Variants in MAB21L4 observed in about 807,000 individuals in gnomAD.
MAB21L4 encodes the protein mab-21 like 4, also known as protein mab-21-like 4.
A neutral mutation model predicts 32.4 loss-of-function variants in MAB21L4; 25 were observed. That is an observed-to-expected ratio of 0.77 (90% CI 0.56 to 1.08). The LOEUF is 1.08. Among genes scored for constraint, MAB21L4 ranks in the 50% least tolerant of loss-of-function variants. The pLI, the probability that MAB21L4 is intolerant of heterozygous loss-of-function variation, is 0.00. For synonymous variants in MAB21L4, 280 were observed against 276.8 expected (o/e 1.01, Z -0.11); for missense variants, 638 against 611.0 (o/e 1.04, Z -0.47).
chr2:240,889,942 G>T (rs906386947), intron 3 of MAB21L4, 63 bp downstream of exon 3: 1 of 1,537,514 alleles, frequency 6.5e-7, no homozygotes. Context: ...GGAGGGACAC[G>T]CCTGGGTGCA....
At chr2:240,894,744 GCCAAGA>G (rs1377326187) in intron 1 of MAB21L4, among the ~76,000 whole-genome samples, 1 of 152,188 alleles carries the variant, frequency 6.6e-6, no homozygotes, top group African/African-American at 2.4e-5. Flanking sequence ...GGCGGAGTGA[GCCAAGA>G]TCGTGCCATT....
At position 240,888,374 on chromosome 2, in the gene MAB21L4, G is replaced by T; in HGVS notation, c.1169C>A (p.Ser390Tyr). 6.4e-7 allele frequency: 1 copy of T among 1,569,106 alleles called. No homozygotes were observed. The highest frequency in any genetic ancestry group is 8.6e-7 in the Non-Finnish European group (1 of 1,160,280). The stretch of plus-strand genomic sequence containing the variant: ...CAGCTGCAGGAGCGCCTTGAGCCCG[G>T]AGCCGATGCGCGGCGGGGGGCTGCG... The part of the protein sequence containing the change: ...LGRSPPPRIG[S>Y]GLKALLQLPA... Residue 390 changes from serine to tyrosine, a missense_variant, in exon 4 of 5, where the codon TCC becomes TAC. By Grantham distance (144) the Ser-to-Tyr change is moderately radical (BLOSUM62 -2). Coordinates refer to ENST00000388934, the MANE Select transcript of MAB21L4 (RefSeq NM_001085437.3).
chr2:240,894,448 C>T (rs562087303), intron 1 of MAB21L4, among the ~76,000 whole-genome samples: 1 of 152,192 alleles, frequency 6.6e-6, no homozygotes, highest in African/African-American at 2.4e-5. Context: ...CGACCGTCGC[C>T]GTCCAGGCAG....
chr2:240,891,891 GC>G, intron 1 of MAB21L4, 128 bp from the exon 2 acceptor site: 6 of 1,575,016 alleles, frequency 3.8e-6, no homozygotes, highest in Non-Finnish European at 5.2e-6. Flanking sequence ...CTCTCTGCTG[GC>G]CCCCACCTGC....
At chr2:240,895,351 G>A (rs1049652475) in intron 1 of MAB21L4, 133 bp downstream of exon 1, 12 of 839,624 alleles carry the variant, frequency 1.4e-5, no homozygotes, top group Non-Finnish European at 2.2e-5. Context: ...GTCACACACA[G>A]AAGACAGTCG....
At chr2:240,890,984 G>T (rs544802349) in intron 2 of MAB21L4, among the ~76,000 whole-genome samples, 2 of 152,310 alleles carry the variant, frequency 1.3e-5, no homozygotes, top group African/African-American at 4.8e-5. Context: ...TGACGAGCGT[G>T]GATTCAACCA....
At chr2:240,889,782 G>A (rs1324614210) in intron 3 of MAB21L4, among the ~76,000 whole-genome samples, 1 of 152,228 alleles carries the variant, frequency 6.6e-6, no homozygotes, top group Admixed American at 6.5e-5. Context: ...GGATGGCGAA[G>A]GCCAGCCTGC....
At chr2:240,890,891 G>GC (rs1377416504) in intron 2 of MAB21L4, among the ~76,000 whole-genome samples, 1 of 152,228 alleles carries the variant, frequency 6.6e-6, no homozygotes, top group East Asian at 1.9e-4. Flanking sequence ...GCAATGCAGG[G>GC]CAGGTGACTG....
At chr2:240,895,414 GCA>G (rs1273986477) in intron 1 of MAB21L4, 68 bp downstream of exon 1, 3 of 1,402,526 alleles carry the variant, frequency 2.1e-6, no homozygotes, top group African/African-American at 2.9e-5. Flanking sequence ...TCACACACTT[GCA>G]CACAGACACC....
At chr2:240,893,362 A>T (rs530271088) in intron 1 of MAB21L4, among the ~76,000 whole-genome samples, 2 of 152,304 alleles carry the variant, frequency 1.3e-5, no homozygotes, top group African/African-American at 4.8e-5. Context: ...TGGGCGGCCC[A>T]TCCCACAGGG....
chr2:240,890,199 G>C, intron 2 of MAB21L4, 41 bp from the exon 3 acceptor site: 3 of 1,566,918 alleles, frequency 1.9e-6, no homozygotes, highest in Non-Finnish European at 2.6e-6. Context: ...CCCCGCCGCT[G>C]TTGGCCCCCA....
chr2:240,888,341 C>T lies in MAB21L4; in HGVS notation c.1202G>A (p.Ser401Asn), dbSNP rs763938659. 6.3e-7 allele frequency: 1 copy of T among 1,584,250 alleles called. No homozygotes were observed. The highest frequency in any genetic ancestry group is 8.6e-7 in the Non-Finnish European group (1 of 1,168,406). ...GLKALLQLPA[S>N]DPTYWATAYF... ...GGCAGTGGCCCAGTAAGTGGGGTCACTGGCTGGCAGCTGCAGGAGCGCCTT... is the reference window on the plus strand; with the variant it reads ...GGCAGTGGCCCAGTAAGTGGGGTCATTGGCTGGCAGCTGCAGGAGCGCCTT... Residue 401 changes from serine to asparagine, a missense_variant, in exon 4 of 5, where the codon AGT (serine) becomes AAT (asparagine). Ser to Asn is a conservative substitution (Grantham distance 46). Coordinates refer to ENST00000388934, the MANE Select transcript of MAB21L4 (RefSeq NM_001085437.3).
Position 240,891,694 on chromosome 2 carries a change from CT to C in MAB21L4, c.583del (p.Arg195GlufsTer11). 1 of 1,609,876 alleles carries C rather than the reference CT, an allele frequency of 6.2e-7. No individual in the cohort carries two copies. ...GGGCACCACGTGGAAGCTGATTGTT[CT>C]CCAGCCGCTGGACACCAGCAAGGAC... ...HLSLLVSSGW[R>X]TISFHVVPVV... On this transcript the variant is annotated frameshift_variant, in exon 2 of 5. Transcript: ENST00000388934. LOFTEE classifies it high-confidence loss of function.
rs1168345090 is a variant in MAB21L4, at chr2:240,888,471, T to C, written c.1072A>G (p.Ile358Val). 6.3e-7 allele frequency: 1 copy of C among 1,595,906 alleles called. No homozygotes were observed. Among genetic ancestry groups the C allele is most frequent in the Non-Finnish European group, 8.5e-7 (1 of 1,173,756 alleles). Residue 358 changes from isoleucine (I) to valine (V), a missense_variant, in exon 4 of 5, where the codon ATC (isoleucine) becomes GTC (valine). Transcript: ENST00000388934. The stretch of plus-strand genomic sequence containing the variant: ...GCGAAGCCCTCCACGCGCTGGTAGA[T>C]GGCACCAAGGTCCAGGCCGCTGCCC... ...LQGSGLDLGA[I>V]YQRVEGFASQ... is the part of the protein sequence containing the mutation.
At chr2:240,893,095 A>G (rs1343107853) in intron 1 of MAB21L4, among the ~76,000 whole-genome samples, 1 of 152,188 alleles carries the variant, frequency 6.6e-6, no homozygotes, top group African/African-American at 2.4e-5. Context: ...CTGTCCAGCC[A>G]GGGTGCCCAG....
At chr2:240,888,690 G>T (rs762917395) in intron 3 of MAB21L4, 42 bp from the exon 4 acceptor site, 2 of 1,114,480 alleles carry the variant, frequency 1.8e-6, no homozygotes, top group African/African-American at 7.7e-5. Flanking sequence ...TGGCCCACCC[G>T]GCCCACCCTG....
At chr2:240,896,537 G>A (rs2059188554), upstream of MAB21L4, among the ~76,000 whole-genome samples, 1 of 152,146 alleles carries the variant, frequency 6.6e-6, no homozygotes, top group Non-Finnish European at 1.5e-5. Context: ...AGTGAGGAAG[G>A]GGAGGCAGGG....
chr2:240,896,520 G>A (rs987922598), upstream of MAB21L4, among the ~76,000 whole-genome samples: 7 of 152,182 alleles, frequency 4.6e-5, no homozygotes, highest in Admixed American at 1.3e-4. Context: ...AAGGCACCCC[G>A]TGGCTCAGTG....
At chr2:240,887,387 A>C (rs2059105087) in intron 4 of MAB21L4, among the ~76,000 whole-genome samples, 1 of 152,146 alleles carries the variant, frequency 6.6e-6, no homozygotes, top group Admixed American at 6.5e-5. Context: ...ATGGGCCTAC[A>C]CTGAGGAGGA....
Sources: gnomAD v4.1 joint callset for allele counts (sites outside exome capture counted in the v4.1 genomes callset) on GRCh38, gnomAD v4.1.1 for gene constraint, MANE v1.5 for transcripts, NCBI Gene and HGNC (gene_info 2026-07-23, HGNC 2026-07-21) for gene names.